Variants in SRBD1 observed in about 807,000 individuals in gnomAD.
The protein encoded by SRBD1 is S1 RNA-binding domain-containing protein 1.
A neutral mutation model predicts 115.3 loss-of-function variants in SRBD1; 88 were observed. That is an observed-to-expected ratio of 0.76 (90% CI 0.64 to 0.91). SRBD1 has a LOEUF of 0.91. Ranked by LOEUF, SRBD1 falls within the 40% of genes least tolerant of loss-of-function variation. The pLI is 0.00. For missense variants in SRBD1, 1,385 were observed against 1,177.4 expected (o/e 1.18, Z -2.58); for synonymous variants, 509 against 407.7 (o/e 1.25, Z -2.99).
In SRBD1 at chr2:45,574,743, A is replaced by G. The variant is rs747441429; in HGVS notation, c.1073-20T>C. On this transcript the variant is annotated intron_variant, in intron 7 of 20. Coordinates refer to ENST00000263736, the MANE Select transcript of SRBD1 (RefSeq NM_018079.5). ...AAAGCCCTTTAGGAGAAGGGTAAAAAGGAAAACAAAAACAAAAAGTATACG... is the reference window on the plus strand; with the variant it reads ...AAAGCCCTTTAGGAGAAGGGTAAAAGGGAAAACAAAAACAAAAAGTATACG... The G allele has an allele frequency of 1.1e-5, 17 of 1,584,562 alleles. No homozygotes were observed. The highest frequency in any genetic ancestry group is 7.7e-5 in the Admixed American group (4 of 51,840).
chr2:45,552,946 G>A (rs1008273374), intron 11 of SRBD1, among the ~76,000 whole-genome samples: 4 of 152,130 alleles, frequency 2.6e-5, no homozygotes, highest in Admixed American at 2.6e-4. Flanking sequence ...CAGTTTTCAA[G>A]TAGCCCTTGC....
chr2:45,598,473 G>C (rs1368116530), intron 4 of SRBD1, among the ~76,000 whole-genome samples: 16 of 152,056 alleles, frequency 1.1e-4, no homozygotes, highest in Admixed American at 9.8e-4. Flanking sequence ...AATTAGCCGG[G>C]CGTGGTGGCA....
At chr2:45,492,500 G>A (rs113604590) in intron 14 of SRBD1, among the ~76,000 whole-genome samples, 3,022 of 152,086 alleles carry the variant, frequency 0.02, 82 homozygotes, top group African/African-American at 0.069. Context: ...GTGCAGTGGC[G>A]CCATCTCCGC....
intron 14 of SRBD1, among the ~76,000 whole-genome samples, chr2:45,542,389 G>C (rs1481319041): frequency 2.0e-5 from 3 of 152,204 alleles, no homozygotes; most frequent in Non-Finnish European, 4.4e-5. Flanking sequence ...GGGATGCCCA[G>C]GTCCAGAGCT....
At chr2:45,447,520 C>T (rs56064018) in intron 16 of SRBD1, 1 of 152,028 alleles carries the variant, frequency 6.6e-6, no homozygotes, top group Non-Finnish European at 1.5e-5. Flanking sequence ...GTGATTTAAC[C>T]CTCATAAGGG....
At chr2:45,485,460 CAGA>C (rs1670089282) in intron 15 of SRBD1, among the ~76,000 whole-genome samples, 1 of 152,070 alleles carries the variant, frequency 6.6e-6, no homozygotes, top group Non-Finnish European at 1.5e-5. Flanking sequence ...TAATCAATTT[CAGA>C]AGGAGAGAAG....
intron 14 of SRBD1, among the ~76,000 whole-genome samples, chr2:45,494,218 T>C (rs529558409): frequency 6.6e-6 from 1 of 152,332 alleles, no homozygotes; most frequent in South Asian, 2.1e-4. Context: ...GCTTATGTAA[T>C]ATAATGTTAA....
intron 19 of SRBD1, among the ~76,000 whole-genome samples, chr2:45,409,766 A>G (rs1232089393): frequency 1.3e-5 from 2 of 152,282 alleles, no homozygotes; most frequent in East Asian, 3.9e-4. Flanking sequence ...TCCATTTACA[A>G]TAGTGTTGAA....
chr2:45,389,230 G>A lies in SRBD1; in HGVS notation c.*80C>T. 1 of 1,475,270 alleles carries A rather than the reference G, an allele frequency of 6.8e-7. No homozygotes were observed. The highest frequency in any genetic ancestry group is 9.2e-7 in the Non-Finnish European group (1 of 1,089,470). 91.4% of individuals were successfully genotyped at this position (1,475,270 alleles called of 1,614,324 possible). A position where few individuals can be genotyped will look rare whatever the true frequency, so the allele number is the denominator to read the frequency against. On this transcript the variant is annotated 3_prime_UTR_variant, in exon 21 of 21. Coordinates refer to ENST00000263736, the MANE Select transcript of SRBD1 (RefSeq NM_018079.5). The stretch of plus-strand genomic sequence containing the variant: ...TGAATTATTTCTCATCTGCTACCTA[G>A]AGTTTACAAACAACTGACTTATCCT...
chr2:45,413,329 G>C, intron 18 of SRBD1, 36 bp from the exon 19 acceptor site: 1 of 1,583,680 alleles, frequency 6.3e-7, no homozygotes, highest in Non-Finnish European at 8.6e-7. Context: ...TTTATGAAAA[G>C]GGGAAGGTTG....
chr2:45,404,081 C>T (rs1014670825), intron 19 of SRBD1, among the ~76,000 whole-genome samples: 1 of 152,132 alleles, frequency 6.6e-6, no homozygotes, highest in Non-Finnish European at 1.5e-5. Context: ...TTAGTAAATG[C>T]CCTTAGTGAA....
intron 9 of SRBD1, among the ~76,000 whole-genome samples, chr2:45,565,082 G>A (rs1672785056): frequency 1.3e-5 from 2 of 152,272 alleles, no homozygotes; most frequent in South Asian, 2.1e-4. Flanking sequence ...CAAATTCAGT[G>A]AAATCCCTAT....
rs1253684017 is a variant in SRBD1 at position 45,599,507 on chromosome 2, A to C, written c.590T>G (p.Phe197Cys). Residue 197 changes from phenylalanine to cysteine, a missense_variant, in exon 4 of 21, where the codon TTT becomes TGT. Transcript: ENST00000263736. ...TTTAGTACTATTGGCATTTGCTGGA[A>C]ACTTGACAGGCTGCCCCTGAGGATA... Reference protein sequence around the residue: ...ETYPQGQPVKFPANANSTKEE... With the variant: ...ETYPQGQPVKCPANANSTKEE... 1 of 1,614,230 alleles carries C rather than the reference A, an allele frequency of 6.2e-7. No homozygotes were observed. Among genetic ancestry groups the C allele is most frequent in the Non-Finnish European group, 8.5e-7 (1 of 1,180,040 alleles).
intron 16 of SRBD1, among the ~76,000 whole-genome samples, chr2:45,470,595 A>G (rs922466890): frequency 3.3e-5 from 5 of 152,206 alleles, no homozygotes; most frequent in Admixed American, 2.0e-4. Flanking sequence ...CAAAGAAGAA[A>G]AAATTATCAA....
chr2:45,522,934 A>C (rs1040020016), intron 14 of SRBD1, among the ~76,000 whole-genome samples: 11 of 152,136 alleles, frequency 7.2e-5, no homozygotes, highest in African/African-American at 2.4e-4. Context: ...GTTATACACA[A>C]ATTTCTGACT....
chr2:45,394,453 T>C (rs188165267), intron 19 of SRBD1, among the ~76,000 whole-genome samples: 46 of 152,310 alleles, frequency 3.0e-4, no homozygotes, highest in South Asian at 1.7e-3. Flanking sequence ...GTGATACTAA[T>C]GCCCTCAAAT....
chr2:45,608,209 C>T (rs1162958149), intron 1 of SRBD1, among the ~76,000 whole-genome samples: 1 of 152,196 alleles, frequency 6.6e-6, no homozygotes. Flanking sequence ...ATATTTCCAA[C>T]TGCCTCTTTA....
chr2:45,507,085 C>T (rs1442813737), intron 14 of SRBD1, among the ~76,000 whole-genome samples: 2 of 152,094 alleles, frequency 1.3e-5, no homozygotes, highest in Non-Finnish European at 2.9e-5. Context: ...TTGGTAAAAA[C>T]GAGGTCTGAT....
intron 14 of SRBD1, among the ~76,000 whole-genome samples, chr2:45,511,494 G>A (rs1670967947): frequency 6.6e-6 from 1 of 152,112 alleles, no homozygotes; most frequent in Non-Finnish European, 1.5e-5. Context: ...TTATGTCAAG[G>A]AATAGAAATA....
Sources: allele counts gnomAD v4.1 joint callset (sites outside exome capture counted in the v4.1 genomes callset), GRCh38; gene constraint gnomAD v4.1.1; transcripts MANE v1.5; gene names NCBI Gene and HGNC (gene_info 2026-07-23, HGNC 2026-07-21).